The following GCLC variants were observed in gnomAD, a reference collection of about 807,000 sequenced individuals.
GCLC encodes glutamate-cysteine ligase catalytic subunit.
GCLC carries 30 observed loss-of-function variants against 81.5 expected under a neutral mutation model. The ratio of observed to expected loss-of-function variants is 0.37; its 90% CI spans 0.28 to 0.50. The LOEUF is 0.50. GCLC is among the 20% of genes least tolerant of loss of function. GCLC has a pLI of 0.96. For synonymous variants in GCLC, 262 were observed against 273.3 expected, an observed-to-expected ratio of 0.96 and a Z score of 0.41; for missense variants, 556 against 777.4, an observed-to-expected ratio of 0.72 and a Z score of 3.39.
chr6:53,498,685 A>G lies in GCLC; in HGVS notation c.*71T>C. ...CTATCATTTGGTCTTCATATTATAC[A>G]CACGGGCTGGCTGAGAGGCATGGTA... On this transcript the variant is annotated 3_prime_UTR_variant, in exon 16 of 16. Coordinates refer to ENST00000650454, the MANE Select transcript of GCLC (RefSeq NM_001498.4). 1 of 901,316 alleles carries G rather than the reference A, an allele frequency of 1.1e-6. No homozygotes were observed. Among genetic ancestry groups the G allele is most frequent in the Non-Finnish European group, 1.8e-6 (1 of 562,678 alleles). The allele number at this position is 901,316 out of a possible 1,614,324, so 55.8% of individuals were successfully genotyped here. A position where few individuals can be genotyped will look rare whatever the true frequency, so the allele number is the denominator to read the frequency against.
At chr6:53,499,682 TAA>T (rs1764464585) in intron 15 of GCLC, among the ~76,000 whole-genome samples, 2 of 152,184 alleles carry the variant, frequency 1.3e-5, no homozygotes, top group Admixed American at 1.3e-4. Context: ...AAAGGCAGGC[TAA>T]AGAACTGTTC....
At chr6:53,524,270 G>T (rs1356742759) in intron 1 of GCLC, among the ~76,000 whole-genome samples, 1 of 152,224 alleles carries the variant, frequency 6.6e-6, no homozygotes, top group Non-Finnish European at 1.5e-5. Flanking sequence ...GTCAGGCAGA[G>T]ATTTGAAGCC....
At chr6:53,543,458 AAC>A (rs1232902626) in intron 1 of GCLC, among the ~76,000 whole-genome samples, 1 of 152,178 alleles carries the variant, frequency 6.6e-6, no homozygotes, top group African/African-American at 2.4e-5. Context: ...AAAAAAAAAA[AAC>A]TAACTTTTTG....
At chr6:53,524,044 C>T (rs532930729) in intron 1 of GCLC, 14 of 152,282 alleles carry the variant, frequency 9.2e-5, no homozygotes, top group Admixed American at 2.6e-4. Context: ...TCTGTGACTC[C>T]GGAACAGCTA....
chr6:53,514,289 T>C lies in GCLC; in HGVS notation c.668A>G (p.Glu223Gly). 1.2e-6 allele frequency: 2 copies of C among 1,601,786 alleles called. No individual in the cohort carries two copies. The highest frequency in any genetic ancestry group is 1.7e-6 in the Non-Finnish European group (2 of 1,168,772). Residue 223 changes from glutamate (E) to glycine (G), a missense_variant, in exon 6 of 16, where the codon GAG becomes GGG. By Grantham distance (98) the Glu-to-Gly change is moderately conservative. Around this residue, in one of 3 missense-constraint regions of GCLC, gnomAD observed 234 missense variants for 303.8 expected, o/e 0.77. Coordinates refer to ENST00000650454, the MANE Select transcript of GCLC (RefSeq NM_001498.4). ...TPSPFIETFT[E>G]DDEASRASKP... ...AGAAGCCCTTGAAGCTTCATCATCC[T>C]CAGTAAATGTTTCTATAAATGGAGA... is the stretch of plus-strand genomic sequence containing the variant.
chr6:53,532,098 G>A (rs3799696), intron 1 of GCLC, among the ~76,000 whole-genome samples: 42,572 of 152,104 alleles, frequency 0.28, 6,927 homozygotes, highest in East Asian at 0.51. Flanking sequence ...TTACATATAC[G>A]TGAGTGGAAA....
At chr6:53,542,642 G>A (rs779923133) in intron 1 of GCLC, among the ~76,000 whole-genome samples, 3 of 152,136 alleles carry the variant, frequency 2.0e-5, no homozygotes, top group Non-Finnish European at 4.4e-5. Flanking sequence ...CAAATTTCCT[G>A]TTGATGTAGT....
At chr6:53,525,772 T>C (rs1240314108) in intron 1 of GCLC, among the ~76,000 whole-genome samples, 1 of 151,938 alleles carries the variant, frequency 6.6e-6, no homozygotes, top group Non-Finnish European at 1.5e-5. Flanking sequence ...ATCTTGGAAG[T>C]AGGGGAAAAA....
At chr6:53,539,644 G>A (rs1245702691) in intron 1 of GCLC, among the ~76,000 whole-genome samples, 1 of 151,886 alleles carries the variant, frequency 6.6e-6, no homozygotes, top group Non-Finnish European at 1.5e-5. Flanking sequence ...GGCTCTATAA[G>A]TGCAACAGTA....
chr6:53,515,228 T>C lies in GCLC; in HGVS notation c.561-731A>G, dbSNP rs185780809. Among the ~76,000 whole-genome samples, 28 of 152,336 alleles carry C rather than the reference T, an allele frequency of 1.8e-4. No homozygotes were observed. The East Asian group carries it at 5.2e-3, about 28-fold the overall frequency. ...GAGAACATTTACAATTACATGTTTC[T>C]ATGGGCAGTGCTGCTATAGACTCAG... On this transcript the variant is annotated intron_variant, in intron 4 of 15. Transcript: ENST00000650454.
chr6:53,544,785 G>T lies in GCLC; in HGVS notation c.-140C>A, dbSNP rs937402329. ...GCGCTCTCGGGCCGCAGTCGGCGGA[G>T]GGAGGGTCCTGCCCGCTCCGGCTCC... is the stretch of plus-strand genomic sequence containing the variant. On this transcript the variant is annotated 5_prime_UTR_variant, in exon 1 of 16. Transcript: ENST00000650454. 1 of 805,482 alleles carries T rather than the reference G, an allele frequency of 1.2e-6. No individual in the cohort carries two copies. Among genetic ancestry groups the T allele is most frequent in the Non-Finnish European group, 1.8e-6 (1 of 542,264 alleles). The allele number at this position is 805,482 out of a possible 1,614,324, so 49.9% of individuals were successfully genotyped here.
intron 1 of GCLC, among the ~76,000 whole-genome samples, chr6:53,543,568 A>G (rs1167636261): frequency 6.6e-6 from 1 of 152,248 alleles, no homozygotes; most frequent in Non-Finnish European, 1.5e-5. Context: ...ACAGGTGGCA[A>G]GCCATCTAAG....
chr6:53,504,154 T>C (rs772370487), intron 12 of GCLC, among the ~76,000 whole-genome samples: 10 of 152,100 alleles, frequency 6.6e-5, no homozygotes, highest in Non-Finnish European at 1.2e-4. Flanking sequence ...CTGAGCAACA[T>C]AGTGAGACCC....
chr6:53,522,667 A>G lies in GCLC; in HGVS notation c.151-140T>C. ...AGACAGTCACATTTGTTTACAGTAC[A>G]GCACATAAGTGTTCATATGCATAAT... On this transcript the variant is annotated intron_variant, in intron 1 of 15. Transcript: ENST00000650454. 3 of 640,072 alleles carry G rather than the reference A, an allele frequency of 4.7e-6. No homozygotes were observed. The East Asian group carries it at 8.7e-5, about 18-fold the overall frequency. The allele number at this position is 640,072 out of a possible 1,614,324, so 39.6% of individuals were successfully genotyped here.
chr6:53,522,547 G>A lies in GCLC; in HGVS notation c.151-20C>T. 6.9e-7 allele frequency: 1 copy of A among 1,453,728 alleles called. No individual in the cohort carries two copies. Among genetic ancestry groups the A allele is most frequent in the Non-Finnish European group, 9.7e-7 (1 of 1,035,056 alleles). 90.1% of individuals were successfully genotyped at this position (1,453,728 alleles called of 1,614,324 possible). ...TTCCACCTATTGAAAATAAAGGTGA[G>A]AAAAATTAACATTCTTCCAGACTTG... On this transcript the variant is annotated intron_variant, in intron 1 of 15. Transcript: ENST00000650454.
rs116922194 is a variant in GCLC at position 53,520,128 on chromosome 6, T to C, written c.446+650A>G. On this transcript the variant is annotated intron_variant, in intron 3 of 15. Coordinates refer to ENST00000650454, the MANE Select transcript of GCLC (RefSeq NM_001498.4). ...TTTTACATAGAGGTTCTATGTATAATACATATGATATTCATGTACCTCATT... is the reference window on the plus strand; with the variant it reads ...TTTTACATAGAGGTTCTATGTATAACACATATGATATTCATGTACCTCATT... Among the ~76,000 whole-genome samples, 5 of 152,354 alleles carry C rather than the reference T, an allele frequency of 3.3e-5. No individual in the cohort carries two copies. The East Asian group carries it at 9.6e-4, about 29-fold the overall frequency.
At chr6:53,532,937 C>T (rs1443287445) in intron 1 of GCLC, among the ~76,000 whole-genome samples, 1 of 152,196 alleles carries the variant, frequency 6.6e-6, no homozygotes, top group Non-Finnish European at 1.5e-5. Flanking sequence ...TAGAGATCAT[C>T]CATCAGAGTA....
intron 11 of GCLC, 51 bp downstream of exon 11, chr6:53,505,752 G>T: frequency 1.9e-6 from 2 of 1,031,046 alleles, no homozygotes; most frequent in Non-Finnish European, 3.1e-6. Context: ...GTGATGAACA[G>T]CTGGCGAAAG....
At chr6:53,510,062 T>C (rs951197005) in intron 6 of GCLC, 1 of 152,226 alleles carries the variant, frequency 6.6e-6, no homozygotes, top group African/African-American at 2.4e-5. Flanking sequence ...AGGAAAAGGC[T>C]GAGGAAAGAT....
Sources: allele counts gnomAD v4.1 joint callset (sites outside exome capture counted in the v4.1 genomes callset), GRCh38; gene constraint gnomAD v4.1.1; regional missense constraint gnomAD v4.1.1; transcripts MANE v1.5; gene names NCBI Gene and HGNC (gene_info 2026-07-23, HGNC 2026-07-21).